The following RBKS variants were observed in gnomAD, a reference collection of about 807,000 sequenced individuals.
RBKS encodes the protein ribokinase.
RBKS carries 33 observed loss-of-function variants against 33.9 expected under a neutral mutation model. The ratio of observed to expected loss-of-function variants is 0.97; its 90% CI spans 0.74 to 1.30. The LOEUF (loss-of-function observed/expected upper bound fraction) is 1.30. Ranked by LOEUF, RBKS falls within the 50% of genes most tolerant of loss-of-function variation. The probability of loss-of-function intolerance (pLI) is 0.00; values close to 1 mark genes in which losing one functional copy is unlikely to be tolerated. For missense variants in RBKS, 361 were observed against 392.6 expected, an observed-to-expected ratio of 0.92 and a Z score of 0.68; for synonymous variants, 125 against 143.0, an observed-to-expected ratio of 0.87 and a Z score of 0.90.
Position 27,870,346 on chromosome 2 carries a change from T to A in RBKS, c.90-11775A>T, listed in dbSNP as rs191618559. ...GATCGAGTTCGTTGAGCAGGTTGAATATGTCACACAAGGAAGCCAGGTTTG... is the reference window on the plus strand; with the variant it reads ...GATCGAGTTCGTTGAGCAGGTTGAAAATGTCACACAAGGAAGCCAGGTTTG... On this transcript the variant is annotated intron_variant, in intron 1 of 7. Coordinates refer to ENST00000302188, the MANE Select transcript of RBKS (RefSeq NM_022128.3). 8 of 160,160 alleles carry A rather than the reference T, an allele frequency of 5.0e-5. No homozygotes were observed. In the East Asian group the frequency reaches 1.4e-3, roughly 28 times the overall value. The allele number at this position is 160,160 out of a possible 1,614,324, so 9.9% of individuals were successfully genotyped here. A position where few individuals can be genotyped will look rare whatever the true frequency, so the allele number is the denominator to read the frequency against.
At chr2:27,842,978 A>T (rs1558547861) in intron 5 of RBKS, 89 bp downstream of exon 5, 1 of 913,328 alleles carries the variant, frequency 1.1e-6, no homozygotes, top group East Asian at 2.8e-5. Flanking sequence ...CGACAGAAAG[A>T]GTATTGCTTT....
chr2:27,837,167 G>A lies in RBKS; in HGVS notation c.515-4390C>T, dbSNP rs1200633996. Among the ~76,000 whole-genome samples, 3 of 151,980 alleles carry A rather than the reference G, an allele frequency of 2.0e-5. No homozygotes were observed. Among genetic ancestry groups the A allele is most frequent in the Admixed American group, 1.3e-4 (2 of 15,264 alleles). ...CAGGTGCCTGTAGTCCCAGCTACTC[G>A]GGAGGCTGAGGCAGGAGAATGGCGT... On this transcript the variant is annotated intron_variant, in intron 5 of 7. Transcript: ENST00000302188. The surrounding 1 kb of genome is among the most constrained non-coding windows in gnomAD (Gnocchi z 4.0).
chr2:27,784,084 C>G (rs1456316201), intron 7 of RBKS, among the ~76,000 whole-genome samples: 2 of 129,472 alleles, frequency 1.5e-5, no homozygotes, highest in African/African-American at 2.9e-5. Context: ...CCCGGGTTCA[C>G]GCCATTCTCC....
chr2:27,862,102 C>G (rs1287306647), intron 1 of RBKS, among the ~76,000 whole-genome samples: 1 of 151,854 alleles, frequency 6.6e-6, no homozygotes, highest in Non-Finnish European at 1.5e-5. Flanking sequence ...TGCACACCAC[C>G]ACTCCTGGTT....
chr2:27,867,400 A>G (rs1228115989), intron 1 of RBKS, among the ~76,000 whole-genome samples: 2 of 152,222 alleles, frequency 1.3e-5, no homozygotes, highest in African/African-American at 4.8e-5. Flanking sequence ...TATGTATGAC[A>G]GAGGCCCAAG....
intron 2 of RBKS, among the ~76,000 whole-genome samples, chr2:27,848,410 T>C (rs1325443798): frequency 1.3e-5 from 2 of 152,250 alleles, no homozygotes; most frequent in Non-Finnish European, 2.9e-5. Flanking sequence ...ATCCTCAATA[T>C]TTATGAAGAA....
At chr2:27,790,976 T>G (rs922295333) in intron 7 of RBKS, among the ~76,000 whole-genome samples, 4 of 152,238 alleles carry the variant, frequency 2.6e-5, no homozygotes, top group Non-Finnish European at 5.9e-5. Context: ...ATGTGAATGT[T>G]TACAGCAGCA....
chr2:27,884,389 G>A (rs937777103), intron 1 of RBKS, among the ~76,000 whole-genome samples: 1 of 152,154 alleles, frequency 6.6e-6, no homozygotes, highest in Non-Finnish European at 1.5e-5. Flanking sequence ...TGGGACTACA[G>A]GCTCACACCA....
At chr2:27,784,974 G>T (rs1047196455) in intron 7 of RBKS, among the ~76,000 whole-genome samples, 1 of 152,178 alleles carries the variant, frequency 6.6e-6, no homozygotes, top group East Asian at 1.9e-4. Context: ...CTGACTGGAG[G>T]GTTATTATGA....
At position 27,858,432 on chromosome 2, in the gene RBKS, T is replaced by C. The variant is rs1254563502; in HGVS notation, c.222+7A>G. ...CTAGAGTCCTCTCCACTATACTTTGTACTTACCTTACACACCATGGACGTC... is the reference window on the plus strand; with the variant it reads ...CTAGAGTCCTCTCCACTATACTTTGCACTTACCTTACACACCATGGACGTC... On this transcript the variant is annotated splice_region_variant and intron_variant, in intron 2 of 7. Transcript: ENST00000302188. The C allele has an allele frequency of 1.2e-6, 2 of 1,609,428 alleles. No homozygotes were observed.
rs1491360033 is a variant in RBKS, at chr2:27,801,949, GGA to G, written c.796-20163_796-20162del. ...CTGTCTCAGTTTCCCGAGTAGCTGG[GGA>G]AAAAAAAAAAAAATATATATATATA... On this transcript the variant is annotated intron_variant, in intron 7 of 7. Transcript: ENST00000302188. 3.5e-3 allele frequency among the ~76,000 whole-genome samples: 192 copies of G among 54,718 alleles called. 3 individuals are homozygous for G. The highest frequency in any genetic ancestry group is 0.014 in the Admixed American group (55 of 3,996). The allele number at this position is 54,718 out of a possible 152,430, so 35.9% of individuals were successfully genotyped here.
chr2:27,871,031 T>A, intron 1 of RBKS: 1 of 387,392 alleles, frequency 2.6e-6, no homozygotes, highest in Non-Finnish European at 5.3e-6. Flanking sequence ...CATCAATTTG[T>A]CTAGTTATGG....
At chr2:27,804,804 G>A (rs556556559) in intron 7 of RBKS, among the ~76,000 whole-genome samples, 273 of 152,236 alleles carry the variant, frequency 1.8e-3, no homozygotes, top group African/African-American at 6.3e-3. Flanking sequence ...CAGCACTTTG[G>A]GAGGCCAAGG....
chr2:27,793,587 T>TTGA (rs1677579022), intron 7 of RBKS, among the ~76,000 whole-genome samples: 1 of 152,182 alleles, frequency 6.6e-6, no homozygotes, highest in African/African-American at 2.4e-5. Context: ...GTTCAAAAAA[T>TTGA]ATCAGTGTCA....
chr2:27,856,266 A>G (rs1190090844), intron 2 of RBKS, among the ~76,000 whole-genome samples: 2 of 152,214 alleles, frequency 1.3e-5, no homozygotes, highest in African/African-American at 4.8e-5. Flanking sequence ...CACAGGCTAA[A>G]ATCCACTGTG....
intron 7 of RBKS, among the ~76,000 whole-genome samples, chr2:27,823,872 G>A (rs556304000): frequency 1.3e-5 from 2 of 152,288 alleles, no homozygotes; most frequent in South Asian, 4.1e-4. Flanking sequence ...CTTAGGTGGA[G>A]CTTTTTTGTT....
intron 1 of RBKS, chr2:27,870,908 C>T (rs1414520935): frequency 2.2e-6 from 1 of 457,036 alleles, no homozygotes; most frequent in Non-Finnish European, 4.4e-6. Context: ...ATACATTACA[C>T]AAAACAAGCA....
chr2:27,872,428 G>A (rs1664234866), intron 1 of RBKS, among the ~76,000 whole-genome samples: 2 of 151,520 alleles, frequency 1.3e-5, no homozygotes, highest in South Asian at 4.1e-4. Flanking sequence ...ATTGAAGGGT[G>A]AAAAGAAAAA....
At chr2:27,790,428 T>G (rs1169851761) in intron 7 of RBKS, among the ~76,000 whole-genome samples, 1 of 152,152 alleles carries the variant, frequency 6.6e-6, no homozygotes, top group Non-Finnish European at 1.5e-5. Flanking sequence ...GCACAAAGAT[T>G]AAAAAACCTG....
Sources: gnomAD v4.1 joint callset for allele counts (sites outside exome capture counted in the v4.1 genomes callset) on GRCh38, gnomAD v4.1.1 for gene constraint, Gnocchi (gnomAD v3.1) non-coding constraint, MANE v1.5 for transcripts, NCBI Gene and HGNC (gene_info 2026-07-23, HGNC 2026-07-21) for gene names.